The following CELF2 variants were observed in gnomAD, a reference collection of about 807,000 sequenced individuals.
The protein encoded by CELF2 is CUGBP Elav-like family member 2.
In CELF2, 8 loss-of-function variants were observed where a neutral mutation model predicts 62.6. The ratio of observed to expected loss-of-function variants is 0.13; its 90% CI spans 0.07 to 0.23. CELF2 has a LOEUF of 0.23. CELF2 is among the 10% of genes least tolerant of loss of function. The probability of loss-of-function intolerance (pLI) is 1.00; values close to 1 mark genes in which losing one functional copy is unlikely to be tolerated. For synonymous variants in CELF2, 258 were observed against 250.0 expected (o/e 1.03, Z -0.30); for missense variants, 333 against 671.0 (o/e 0.50, Z 5.56).
the CELF2 span, among the ~76,000 whole-genome samples, chr10:10,773,539 A>G: frequency 3.3e-5 from 5 of 152,232 alleles, no homozygotes; most frequent in East Asian, 9.6e-4. Context: ...ACTGGAAAAA[A>G]ATATAAGACT....
Position 11,309,205 on chromosome 10 carries a change from A to G in CELF2, c.977-4934A>G, listed in dbSNP as rs1301091162. 6.6e-6 allele frequency among the ~76,000 whole-genome samples: 1 copy of G among 152,192 alleles called. No homozygotes were observed. Among genetic ancestry groups the G allele is most frequent in the Non-Finnish European group, 1.5e-5 (1 of 68,046 alleles). On this transcript the variant is annotated intron_variant, in intron 9 of 12. Coordinates refer to ENST00000633077, the MANE Select transcript of CELF2 (RefSeq NM_001326342.2). The surrounding 1 kb of genome is among the most constrained non-coding windows in gnomAD (Gnocchi z 5.6). The stretch of plus-strand genomic sequence containing the variant: ...GTTCTTGTTCCCTTGCATATATCAT[A>G]GCTTTCTATTAACAACAGGACATTG...
At chr10:10,885,977 G>A (rs1163156406) in intron 1 of CELF2, among the ~76,000 whole-genome samples, 2 of 152,212 alleles carry the variant, frequency 1.3e-5, no homozygotes, top group Non-Finnish European at 2.9e-5. Context: ...GGATTAGACT[G>A]TGGATGTTTT....
the CELF2 span, among the ~76,000 whole-genome samples, chr10:10,702,471 C>A: frequency 6.6e-6 from 1 of 152,184 alleles, no homozygotes; most frequent in Non-Finnish European, 1.5e-5. Flanking sequence ...GCCATCTTAA[C>A]CAAGCTTATT....
At chr10:11,286,161 A>T (rs781481709) in intron 8 of CELF2, among the ~76,000 whole-genome samples, 2 of 152,112 alleles carry the variant, frequency 1.3e-5, no homozygotes, top group Non-Finnish European at 2.9e-5. Flanking sequence ...TTGGCCAGGG[A>T]CCTCATGTCT....
chr10:10,479,256 ACT>A, the CELF2 span, among the ~76,000 whole-genome samples: 2 of 151,918 alleles, frequency 1.3e-5, no homozygotes, highest in Admixed American at 6.6e-5. Context: ...GCAACCTCTG[ACT>A]CTCAGATTCA....
chr10:10,564,402 G>A, the CELF2 span, among the ~76,000 whole-genome samples: 1 of 151,980 alleles, frequency 6.6e-6, no homozygotes, highest in African/African-American at 2.4e-5. Flanking sequence ...TTTAAAAAGC[G>A]AACATTTTGA....
intron 2 of CELF2, among the ~76,000 whole-genome samples, chr10:11,183,989 C>T (rs1394981761): frequency 6.6e-6 from 1 of 152,080 alleles, no homozygotes; most frequent in Non-Finnish European, 1.5e-5. Context: ...AAAACCTAAC[C>T]CAAGGTCATA....
chr10:10,782,694 C>T, the CELF2 span, among the ~76,000 whole-genome samples: 12 of 152,216 alleles, frequency 7.9e-5, no homozygotes, highest in Non-Finnish European at 1.8e-4. Context: ...CTCAGCATCT[C>T]ATCCTGAATG....
chr10:10,608,384 C>T, the CELF2 span, among the ~76,000 whole-genome samples: 1 of 152,198 alleles, frequency 6.6e-6, no homozygotes, highest in South Asian at 2.1e-4. Context: ...ATCCTTAGGA[C>T]TGTCCATTCC....
At chr10:10,926,902 C>T (rs1402426528) in intron 2 of CELF2, among the ~76,000 whole-genome samples, 2 of 152,194 alleles carry the variant, frequency 1.3e-5, no homozygotes, top group Non-Finnish European at 2.9e-5. Context: ...AGTCCCTCAG[C>T]TGCATTCAAC....
chr10:11,004,244 G>A (rs1396228155), upstream of CELF2, among the ~76,000 whole-genome samples: 1 of 152,136 alleles, frequency 6.6e-6, no homozygotes, highest in Non-Finnish European at 1.5e-5. This position sits in a 1 kb window ranked among gnomAD's most constrained non-coding sequence, Gnocchi z 5.0. Flanking sequence ...ATGGGAGCGG[G>A]ACCAGGATTC....
the CELF2 span, among the ~76,000 whole-genome samples, chr10:10,719,345 A>T: frequency 2.2e-4 from 34 of 152,114 alleles, no homozygotes; most frequent in African/African-American, 8.0e-4. Context: ...TGCGGCCTCA[A>T]AGTTCTGGGC....
the CELF2 span, among the ~76,000 whole-genome samples, chr10:10,753,994 GT>G: frequency 2.8e-5 from 4 of 142,332 alleles, no homozygotes; most frequent in Admixed American, 1.4e-4. Context: ...GTTGAGACAT[GT>G]TTCATAGCTC....
chr10:10,839,091 A>AAG (rs2058503405), intron 1 of CELF2, among the ~76,000 whole-genome samples: 1 of 152,190 alleles, frequency 6.6e-6, no homozygotes, highest in African/African-American at 2.4e-5. Context: ...GGTTGCAGTG[A>AAG]GCCAACATCA....
In CELF2 at chr10:11,249,213, C is replaced by T. The variant is rs1203804160; in HGVS notation, c.403+12C>T. 4 of 1,604,722 alleles carry T rather than the reference C, an allele frequency of 2.5e-6. No individual in the cohort carries two copies. The highest frequency in any genetic ancestry group is 1.7e-5 in the Admixed American group (1 of 59,986). The stretch of plus-strand genomic sequence containing the variant: ...TGAAAAGTCCAACGGTAGGTGGTAA[C>T]CAACTGTCTTGCTTAATAATAATAT... On this transcript the variant is annotated intron_variant, in intron 4 of 12. Transcript: ENST00000633077.
intron 1 of CELF2, among the ~76,000 whole-genome samples, chr10:11,055,658 T>G (rs2065070198): frequency 6.6e-6 from 1 of 152,248 alleles, no homozygotes; most frequent in African/African-American, 2.4e-5. Context: ...CATTCTTTGC[T>G]AAATGTGGCC....
chr10:10,939,278 T>TG (rs72467259), intron 2 of CELF2, among the ~76,000 whole-genome samples: 2,481 of 41,650 alleles, frequency 0.06, 95 homozygotes, highest in African/African-American at 0.24. Flanking sequence ...TGTTTTGTGG[T>TG]GTTGTTGTTG....
At chr10:11,150,353 C>G (rs115389192) in intron 1 of CELF2, among the ~76,000 whole-genome samples, 1 of 152,148 alleles carries the variant, frequency 6.6e-6, no homozygotes, top group East Asian at 1.9e-4. Flanking sequence ...AAACATGAAC[C>G]CTGCATGCCA....
chr10:11,278,030 G>C (rs1463414680), intron 8 of CELF2, among the ~76,000 whole-genome samples: 3 of 152,138 alleles, frequency 2.0e-5, no homozygotes, highest in African/African-American at 7.2e-5. Flanking sequence ...AAACATACTG[G>C]TCGATGAGGT....
Sources: gnomAD v4.1 joint callset for allele counts (sites outside exome capture counted in the v4.1 genomes callset) on GRCh38, gnomAD v4.1.1 for gene constraint, Gnocchi (gnomAD v3.1) non-coding constraint, MANE v1.5 for transcripts, NCBI Gene and HGNC (gene_info 2026-07-23, HGNC 2026-07-21) for gene names.